Variants in COL4A3 observed in about 807,000 individuals in gnomAD.
COL4A3 encodes the protein collagen type IV alpha 3 chain.
In COL4A3, 135 loss-of-function variants were observed where a neutral mutation model predicts 217.4. The ratio of observed to expected loss-of-function variants is 0.62; its 90% confidence interval spans 0.54 to 0.72. COL4A3 has a LOEUF of 0.72. Ranked by LOEUF, COL4A3 falls within the 30% of genes least tolerant of loss-of-function variation. The pLI, the probability that COL4A3 is intolerant of heterozygous loss-of-function variation, is 0.00. For missense variants in COL4A3, 1,868 were observed against 2,119.9 expected, an observed-to-expected ratio of 0.88 and a Z score of 2.33; for synonymous variants, 690 against 736.3, an observed-to-expected ratio of 0.94 and a Z score of 1.02.
intron 1 of COL4A3, among the ~76,000 whole-genome samples, chr2:227,187,290 G>T: frequency 6.6e-6 from 1 of 152,304 alleles, no homozygotes; most frequent in East Asian, 1.9e-4. Context: ...ATTGGAGGGA[G>T]GATGAGGGTG....
chr2:227,299,655 G>A (rs2073193462), intron 43 of COL4A3, among the ~76,000 whole-genome samples: 1 of 152,114 alleles, frequency 6.6e-6, no homozygotes. Flanking sequence ...GGGCCTGGAG[G>A]CAGCAAAAAT....
At chr2:227,165,208 C>T (rs548502012) in intron 1 of COL4A3, among the ~76,000 whole-genome samples, 1 of 152,134 alleles carries the variant, frequency 6.6e-6, no homozygotes, top group African/African-American at 2.4e-5. Flanking sequence ...CTTGGCCCAG[C>T]GCACAGAGGG....
At chr2:227,232,490 C>T (rs529218646) in intron 1 of COL4A3, among the ~76,000 whole-genome samples, 1 of 152,254 alleles carries the variant, frequency 6.6e-6, no homozygotes, top group South Asian at 2.1e-4. Flanking sequence ...TTCCCACAAA[C>T]AGTGTACAAG....
chr2:227,264,014 C>T (rs2070746916), intron 21 of COL4A3, 70 bp downstream of exon 21: 1 of 1,557,530 alleles, frequency 6.4e-7, no homozygotes, highest in Non-Finnish European at 8.9e-7. Flanking sequence ...CCACGGGCAA[C>T]AAACCCTCCT....
chr2:227,230,596 G>A (rs1021136619), intron 1 of COL4A3, among the ~76,000 whole-genome samples: 1 of 152,002 alleles, frequency 6.6e-6, no homozygotes, highest in African/African-American at 2.4e-5. Flanking sequence ...TAACCATAGT[G>A]TTTCAAAAAA....
intron 1 of COL4A3, among the ~76,000 whole-genome samples, chr2:227,206,446 A>T (rs1243784819): frequency 1.3e-5 from 2 of 152,160 alleles, no homozygotes; most frequent in Non-Finnish European, 2.9e-5. Flanking sequence ...GGTTCTGAAG[A>T]TCGAATGAGA....
chr2:227,266,994 A>C lies in COL4A3; in HGVS notation c.1410A>C (p.Gly470=), dbSNP rs1299417085. The change falls in exon 23 of 52, where the codon GGA becomes GGC. Residue 470 remains glycine, a splice_region_variant and synonymous_variant. Transcript: ENST00000396578. Reference sequence around the variant, plus strand: ...AATGCTAGTATGCTCTCATTGCAGGAGAACCAGGCCTCCTGTGTACACAGT... The same window carrying C: ...AATGCTAGTATGCTCTCATTGCAGGCGAACCAGGCCTCCTGTGTACACAGT... ...PGIPGVDGPK[G]EPGLLCTQCP... 1 of 1,612,056 alleles carries C rather than the reference A, an allele frequency of 6.2e-7. No homozygotes were observed. Among genetic ancestry groups the C allele is most frequent in the Non-Finnish European group, 8.5e-7 (1 of 1,178,140 alleles).
chr2:227,202,818 CAT>C (rs1422906159), intron 1 of COL4A3, among the ~76,000 whole-genome samples: 1 of 107,532 alleles, frequency 9.3e-6, no homozygotes, highest in Non-Finnish European at 2.0e-5. Context: ...TGTATATATA[CAT>C]ATATGTGTAT....
At position 227,282,338 on chromosome 2, in the gene COL4A3, T is replaced by C; in HGVS notation, c.2489-27T>C. On this transcript the variant is annotated intron_variant, in intron 31 of 51. Transcript: ENST00000396578. The surrounding 1 kb of genome is among the most constrained non-coding windows in gnomAD (Gnocchi z 4.4). Reference sequence around the variant, plus strand: ...GTAGGGGAAAGCATTTGTGGGTTAATTAATTCATTCATTTATTCGTACACA... The same window carrying C: ...GTAGGGGAAAGCATTTGTGGGTTAACTAATTCATTCATTTATTCGTACACA... 6.3e-7 allele frequency: 1 copy of C among 1,590,816 alleles called. No homozygotes were observed. The highest frequency in any genetic ancestry group is 8.6e-7 in the Non-Finnish European group (1 of 1,162,106).
chr2:227,254,034 A>G, intron 13 of COL4A3, 78 bp from the exon 14 acceptor site: 1 of 1,303,910 alleles, frequency 7.7e-7, no homozygotes, highest in South Asian at 1.2e-5. Context: ...TTGAACAGAT[A>G]GAGGATTTGT....
intron 1 of COL4A3, among the ~76,000 whole-genome samples, chr2:227,220,165 T>TGTGTG (rs58155070): frequency 4.1e-5 from 6 of 147,342 alleles, no homozygotes; most frequent in South Asian, 2.2e-4. Flanking sequence ...TGTGTGTGTG[T>TGTGTG]TTCAGAGACA....
In COL4A3 at chr2:227,280,534, C is replaced by T; in HGVS notation, c.2318C>T (p.Pro773Leu). 6.2e-7 allele frequency: 1 copy of T among 1,614,070 alleles called. No individual in the cohort carries two copies. Among genetic ancestry groups the T allele is most frequent in the South Asian group, 1.1e-5 (1 of 91,070 alleles). ...NSGEHGEIGL[P>L]GLPGLPGTPG... ...GGGGAACATGGAGAAATTGGACTCC[C>T]TGGACTTCCAGGTCTCCCTGGAACT... is the stretch of plus-strand genomic sequence containing the variant. The change falls in exon 30 of 52, where the codon CCT (proline) becomes CTT (leucine). Residue 773 changes from proline to leucine, a missense_variant. This residue lies in a region of COL4A3 where 1,503 missense variants were observed against 1,786.1 expected (regional missense o/e 0.84). Transcript: ENST00000396578.
At chr2:227,179,330 A>C (rs2065796436) in intron 1 of COL4A3, among the ~76,000 whole-genome samples, 1 of 152,228 alleles carries the variant, frequency 6.6e-6, no homozygotes, top group African/African-American at 2.4e-5. Context: ...TTAAGTAATT[A>C]AGTAATATAT....
At chr2:227,305,784 G>C (rs1345840269) in intron 47 of COL4A3, 1 of 152,058 alleles carries the variant, frequency 6.6e-6, no homozygotes, top group African/African-American at 2.4e-5. Flanking sequence ...TTTGATACCT[G>C]GATCAACATC....
chr2:227,165,839 T>C (rs1334517817), intron 1 of COL4A3, among the ~76,000 whole-genome samples: 1 of 147,406 alleles, frequency 6.8e-6, no homozygotes, highest in East Asian at 2.0e-4. Flanking sequence ...GCAGACATTA[T>C]AGGTGAAACT....
intron 1 of COL4A3, among the ~76,000 whole-genome samples, chr2:227,183,109 T>C (rs2065908657): frequency 6.6e-6 from 1 of 152,252 alleles, no homozygotes; most frequent in Non-Finnish European, 1.5e-5. Flanking sequence ...ATCTATGTTG[T>C]TATAAGCTCT....
chr2:227,285,151 A>T (rs2072233424), intron 34 of COL4A3, among the ~76,000 whole-genome samples: 1 of 152,108 alleles, frequency 6.6e-6, no homozygotes, highest in Admixed American at 6.5e-5. Context: ...ATGTGTTTGC[A>T]GTTGCAAAAC....
chr2:227,281,036 A>G (rs2071927057), intron 31 of COL4A3, 30 bp downstream of exon 31: 3 of 1,399,898 alleles, frequency 2.1e-6, no homozygotes, highest in Non-Finnish European at 2.0e-6. Context: ...ACTGGCCACC[A>G]GAAGGGCAGG....
At chr2:227,276,834 A>G (rs1415868448) in intron 27 of COL4A3, among the ~76,000 whole-genome samples, 1 of 152,250 alleles carries the variant, frequency 6.6e-6, no homozygotes, top group African/African-American at 2.4e-5. Context: ...CTTCATTTGA[A>G]AACTGATTGT....
Sources: gnomAD v4.1 joint callset for allele counts (sites outside exome capture counted in the v4.1 genomes callset) on GRCh38, gnomAD v4.1.1 for gene constraint, gnomAD v4.1.1 regional missense constraint, Gnocchi (gnomAD v3.1) non-coding constraint, MANE v1.5 for transcripts, NCBI Gene and HGNC (gene_info 2026-07-23, HGNC 2026-07-21) for gene names.